Variants in LIN28A observed in about 807,000 individuals in gnomAD.
LIN28A encodes lin-28 RNA binding posttranscriptional regulator A, also known as protein lin-28 homolog A.
LIN28A carries 11 observed loss-of-function variants against 21.1 expected under a neutral mutation model. That is an observed-to-expected ratio of 0.52 (90% CI 0.33 to 0.86). The LOEUF is 0.86. LIN28A is among the 40% of genes least tolerant of loss of function. The probability of loss-of-function intolerance (pLI) is 0.03; values close to 1 mark genes in which losing one functional copy is unlikely to be tolerated. For synonymous variants in LIN28A, 111 were observed against 108.7 expected, an observed-to-expected ratio of 1.02 and a Z score of -0.13; for missense variants, 219 against 279.8, an observed-to-expected ratio of 0.78 and a Z score of 1.55.
At position 26,411,547 on chromosome 1, in the gene LIN28A, G is replaced by T. The variant is rs1457334602; in HGVS notation, c.193G>T (p.Ala65Ser). The T allele has an allele frequency of 1.2e-6, 2 of 1,613,830 alleles. No homozygotes were observed. Among genetic ancestry groups the T allele is most frequent in the East Asian group, 4.5e-5 (2 of 44,808 alleles). ...GTCCATGACCGCCCGCGCCGGGGTC[G>T]CGCTCGACCCCCCAGTGGATGTCTT... Reference protein sequence around the residue: ...FLSMTARAGVALDPPVDVFVH... With the variant: ...FLSMTARAGVSLDPPVDVFVH... Residue 65 changes from alanine (A) to serine (S), a missense_variant, in exon 2 of 4, where the codon GCG becomes TCG. Transcript: ENST00000326279. This position sits in a 1 kb window ranked among gnomAD's most constrained non-coding sequence, Gnocchi z 5.4.
chr1:26,424,565 CT>C (rs2075047315), intron 2 of LIN28A, among the ~76,000 whole-genome samples: 1 of 151,984 alleles, frequency 6.6e-6, no homozygotes, highest in Non-Finnish European at 1.5e-5. Flanking sequence ...GCTATTTTTA[CT>C]TTTATTTTAT....
In LIN28A at chr1:26,411,696, T is replaced by C; in HGVS notation, c.228+114T>C. 3.8e-6 allele frequency: 4 copies of C among 1,052,990 alleles called. No homozygotes were observed. The highest frequency in any genetic ancestry group is 2.8e-6 in the Non-Finnish European group (2 of 708,922). 65.2% of individuals were successfully genotyped at this position (1,052,990 alleles called of 1,614,324 possible). On this transcript the variant is annotated intron_variant, in intron 2 of 3. Coordinates refer to ENST00000326279, the MANE Select transcript of LIN28A (RefSeq NM_024674.6). The surrounding 1 kb of genome is among the most constrained non-coding windows in gnomAD (Gnocchi z 5.4). ...GGCCATCGGGAGCCCTCATTATGCA[T>C]CCCTGTCTTTGCTTCGGCACCCCAA...
intron 2 of LIN28A, among the ~76,000 whole-genome samples, chr1:26,420,972 G>A (rs1341165102): frequency 6.6e-6 from 1 of 152,024 alleles, no homozygotes; most frequent in Admixed American, 6.6e-5. Flanking sequence ...CAGGAACTCT[G>A]GGTTCATCTG....
chr1:26,417,300 T>C (rs1345864301), intron 2 of LIN28A, among the ~76,000 whole-genome samples: 1 of 152,206 alleles, frequency 6.6e-6, no homozygotes, highest in East Asian at 1.9e-4. Flanking sequence ...TGCAGCCTTC[T>C]GTTCCAGACA....
At chr1:26,420,490 T>C (rs1194806083) in intron 2 of LIN28A, among the ~76,000 whole-genome samples, 2 of 151,426 alleles carry the variant, frequency 1.3e-5, no homozygotes, top group East Asian at 3.9e-4. Context: ...GGCGTGCGCC[T>C]GTAGTCCTAG....
At chr1:26,414,820 C>T (rs997878305) in intron 2 of LIN28A, among the ~76,000 whole-genome samples, 2 of 152,098 alleles carry the variant, frequency 1.3e-5, no homozygotes, top group East Asian at 1.9e-4. Context: ...GTATGACAAC[C>T]AAAAACATCT....
rs1432158522 is a variant in LIN28A, at chr1:26,411,746, G to A, written c.228+164G>A. On this transcript the variant is annotated intron_variant, in intron 2 of 3. Transcript: ENST00000326279. The surrounding 1 kb of genome is among the most constrained non-coding windows in gnomAD (Gnocchi z 5.4). ...ATTCTGAGTCCCTGTTAACTATCTC[G>A]TGGGGGAGTAGTGGGAGGCAGCACC... Among the ~76,000 whole-genome samples the A allele has an allele frequency of 1.3e-5, 2 of 152,192 alleles. No individual in the cohort carries two copies. Among genetic ancestry groups the A allele is most frequent in the East Asian group, 3.9e-4 (2 of 5,190 alleles).
intron 2 of LIN28A, among the ~76,000 whole-genome samples, chr1:26,419,644 G>A (rs905520161): frequency 4.6e-5 from 7 of 152,120 alleles, no homozygotes; most frequent in African/African-American, 1.2e-4. Context: ...TGTAGCAGGC[G>A]AAGTGCTAAC....
chr1:26,413,797 TTTTG>T (rs150759689), intron 2 of LIN28A, among the ~76,000 whole-genome samples: 18,818 of 142,724 alleles, frequency 0.13, 1,408 homozygotes, highest in Non-Finnish European at 0.18. Context: ...GCACTTGTTT[TTTTG>T]TTTGTTTGTT....
rs2075067693 is a variant in LIN28A, at chr1:26,427,626, T to A, written c.*1168T>A. 1 of 152,256 alleles carries A rather than the reference T, an allele frequency of 6.6e-6. No homozygotes were observed. The highest frequency in any genetic ancestry group is 1.5e-5 in the Non-Finnish European group (1 of 68,076). 9.4% of individuals were successfully genotyped at this position (152,256 alleles called of 1,614,324 possible). A position where few individuals can be genotyped will look rare whatever the true frequency, so the allele number is the denominator to read the frequency against. ...CTAATCCTATGGCACAGGACGTGCTTTACATCTCCAGATCTGTTCTTCACC... is the reference window on the plus strand; with the variant it reads ...CTAATCCTATGGCACAGGACGTGCTATACATCTCCAGATCTGTTCTTCACC... On this transcript the variant is annotated 3_prime_UTR_variant, in exon 4 of 4. Coordinates refer to ENST00000326279, the MANE Select transcript of LIN28A (RefSeq NM_024674.6).
intron 2 of LIN28A, among the ~76,000 whole-genome samples, chr1:26,423,425 T>TC (rs2075039527): frequency 7.4e-6 from 1 of 134,476 alleles, no homozygotes. Context: ...TTTTTTTTTT[T>TC]TTTTTTTTTT....
intron 2 of LIN28A, among the ~76,000 whole-genome samples, chr1:26,424,665 A>C (rs1453194041): frequency 1.3e-5 from 2 of 152,032 alleles, no homozygotes; most frequent in Admixed American, 6.6e-5. Context: ...CTATAGTGTG[A>C]CACTTTAAAT....
rs375349166 is a variant in LIN28A at position 26,413,989 on chromosome 1, G to T, written c.228+2407G>T. Among the ~76,000 whole-genome samples, 19 of 151,732 alleles carry T rather than the reference G, an allele frequency of 1.3e-4. No individual in the cohort carries two copies. In the East Asian group the frequency reaches 3.3e-3, roughly 26 times the overall value. On this transcript the variant is annotated intron_variant, in intron 2 of 3. Transcript: ENST00000326279. ...ATTACAGGCATGTGCCACCACGCTCGGCTAATTTTTTGTATTTTTAGTAAA... is the reference window on the plus strand; with the variant it reads ...ATTACAGGCATGTGCCACCACGCTCTGCTAATTTTTTGTATTTTTAGTAAA...
At chr1:26,423,600 C>T (rs2075041066) in intron 2 of LIN28A, among the ~76,000 whole-genome samples, 1 of 148,792 alleles carries the variant, frequency 6.7e-6, no homozygotes, top group African/African-American at 2.5e-5. Context: ...GTAGTAGAGA[C>T]AGGGTTTCTC....
At chr1:26,415,809 A>C (rs1395597555) in intron 2 of LIN28A, among the ~76,000 whole-genome samples, 1 of 152,184 alleles carries the variant, frequency 6.6e-6, no homozygotes, top group East Asian at 1.9e-4. Flanking sequence ...ACAGAGTGGA[A>C]GCCACGGATT....
chr1:26,411,910 G>T lies in LIN28A; in HGVS notation c.228+328G>T, dbSNP rs776531532. ...CTAAGGTTGTATTGTGCTTGCCGGT[G>T]GGGGGAGGGCGAGCAGGCCGGCCAG... On this transcript the variant is annotated intron_variant, in intron 2 of 3. Transcript: ENST00000326279. This position sits in a 1 kb window ranked among gnomAD's most constrained non-coding sequence, Gnocchi z 5.4. Among the ~76,000 whole-genome samples, 47 of 152,328 alleles carry T rather than the reference G, an allele frequency of 3.1e-4. No homozygotes were observed. The highest frequency in any genetic ancestry group is 3.4e-3 in the Middle Eastern group (1 of 294).
intron 3 of LIN28A, 36 bp downstream of exon 3, chr1:26,425,523 G>A (rs768392465): frequency 5.7e-6 from 9 of 1,586,804 alleles, no homozygotes; most frequent in Non-Finnish European, 7.8e-6. Flanking sequence ...AGGTTGCTAA[G>A]GGCATCCCCA....
intron 2 of LIN28A, among the ~76,000 whole-genome samples, chr1:26,424,909 T>C (rs924510832): frequency 6.6e-6 from 1 of 151,526 alleles, no homozygotes; most frequent in Non-Finnish European, 1.5e-5. Flanking sequence ...GCCCAGCTAA[T>C]TTTTTTTATT....
Position 26,411,334 on chromosome 1 carries a change from G to A in LIN28A, c.32-52G>A. ...GTCTCCCTGCCTGGGGCCCGAGACG[G>A]CCCTCCGATTCCGTGCCCCCCAGCT... is the stretch of plus-strand genomic sequence containing the variant. On this transcript the variant is annotated intron_variant, in intron 1 of 3. Transcript: ENST00000326279. The surrounding 1 kb of genome is among the most constrained non-coding windows in gnomAD (Gnocchi z 5.4). 2.7e-6 allele frequency: 4 copies of A among 1,465,728 alleles called. No homozygotes were observed. The highest frequency in any genetic ancestry group is 3.6e-6 in the Non-Finnish European group (4 of 1,111,466). The allele number at this position is 1,465,728 out of a possible 1,614,324, so 90.8% of individuals were successfully genotyped here.
Sources: allele counts gnomAD v4.1 joint callset (sites outside exome capture counted in the v4.1 genomes callset), GRCh38; gene constraint gnomAD v4.1.1; non-coding constraint Gnocchi (gnomAD v3.1); transcripts MANE v1.5; gene names NCBI Gene and HGNC (gene_info 2026-07-23, HGNC 2026-07-21).